The following PLEKHB2 variants were observed in gnomAD, a reference collection of about 807,000 sequenced individuals.
PLEKHB2 encodes pleckstrin homology domain-containing family B member 2.
In PLEKHB2, 31 loss-of-function variants were observed where a neutral mutation model predicts 36.5. That is an observed-to-expected ratio of 0.85 (90% CI 0.64 to 1.15). PLEKHB2 has a LOEUF of 1.15. PLEKHB2 is among the 50% of genes most tolerant of loss of function. The pLI is 0.00. For missense variants in PLEKHB2, 262 were observed against 295.3 expected (o/e 0.89, Z 0.83); for synonymous variants, 119 against 112.0 (o/e 1.06, Z -0.39).
At chr2:131,146,352 G>T (rs1323602054) in intron 7 of PLEKHB2, among the ~76,000 whole-genome samples, 1 of 152,080 alleles carries the variant, frequency 6.6e-6, no homozygotes, top group Non-Finnish European at 1.5e-5. Context: ...GCATGGTGTC[G>T]AGGGCTGAAG....
chr2:131,140,791 C>T (rs991024755), intron 7 of PLEKHB2, among the ~76,000 whole-genome samples: 2 of 152,192 alleles, frequency 1.3e-5, no homozygotes, highest in African/African-American at 4.8e-5. Context: ...TCCAGGTCTC[C>T]TGGGCAAGGG....
intron 1 of PLEKHB2, among the ~76,000 whole-genome samples, chr2:131,114,249 C>T (rs1433324322): frequency 6.6e-6 from 1 of 152,148 alleles, no homozygotes; most frequent in Admixed American, 6.5e-5. Flanking sequence ...CCTCAGCCTC[C>T]CGAGTAGCTG....
intron 2 of PLEKHB2, among the ~76,000 whole-genome samples, chr2:131,124,711 A>G (rs751677289): frequency 2.4e-4 from 37 of 152,010 alleles, no homozygotes; most frequent in Admixed American, 5.2e-4. Flanking sequence ...AGCCTTCCAC[A>G]CTGTGGGCTT....
At chr2:131,116,375 G>A (rs371623480) in intron 1 of PLEKHB2, among the ~76,000 whole-genome samples, 14 of 152,274 alleles carry the variant, frequency 9.2e-5, no homozygotes, top group African/African-American at 2.2e-4. Context: ...AACATTCGTT[G>A]TATTAGTCTG....
At chr2:131,121,490 T>C (rs971506356) in intron 2 of PLEKHB2, among the ~76,000 whole-genome samples, 1 of 152,094 alleles carries the variant, frequency 6.6e-6, no homozygotes, top group African/African-American at 2.4e-5. Flanking sequence ...TCAGGTGATC[T>C]GCCCACCTGG....
chr2:131,126,111 G>A (rs1307740212), intron 3 of PLEKHB2, among the ~76,000 whole-genome samples: 1 of 152,188 alleles, frequency 6.6e-6, no homozygotes, highest in South Asian at 2.1e-4. Context: ...CACGTCCCTC[G>A]TTCTCGTGGA....
intron 1 of PLEKHB2, among the ~76,000 whole-genome samples, chr2:131,110,462 A>G (rs1695186396): frequency 6.6e-6 from 1 of 151,600 alleles, no homozygotes; most frequent in Admixed American, 6.6e-5. Context: ...CTGTGCTTCT[A>G]CCTTCTGGGC....
intron 2 of PLEKHB2, among the ~76,000 whole-genome samples, chr2:131,121,548 C>T (rs377277720): frequency 2.0e-5 from 3 of 152,062 alleles, no homozygotes; most frequent in African/African-American, 7.2e-5. Context: ...TGCCCAGCTG[C>T]GTGCTTTATT....
Position 131,140,258 on chromosome 2 carries a change from AC to A in PLEKHB2, c.517del (p.Gln173SerfsTer43). 6.3e-7 allele frequency: 1 copy of A among 1,599,352 alleles called. No individual in the cohort carries two copies. Among genetic ancestry groups the A allele is most frequent in the South Asian group, 1.1e-5 (1 of 90,580 alleles). On this transcript the variant is annotated frameshift_variant, in exon 7 of 8. Transcript: ENST00000693505. LOFTEE classifies it high-confidence loss of function. The stretch of plus-strand genomic sequence containing the variant: ...AATGGGCAGGCGTATGCCGTGCCCT[AC>A]CAGTACCCATATGCAGGTAACTCAC... ...AANGQAYAVP[Y>X]QYPYAGLYGQ...
At chr2:131,114,982 G>C (rs1045884154) in intron 1 of PLEKHB2, among the ~76,000 whole-genome samples, 4 of 152,200 alleles carry the variant, frequency 2.6e-5, no homozygotes, top group Admixed American at 2.6e-4. Flanking sequence ...TACTGTATTA[G>C]TCTGTTCTCA....
intron 7 of PLEKHB2, chr2:131,144,546 G>C: frequency 2.2e-6 from 1 of 464,516 alleles, no homozygotes. Flanking sequence ...ATGGTAATTT[G>C]TAAAAGTAAC....
intron 1 of PLEKHB2, among the ~76,000 whole-genome samples, chr2:131,119,378 A>G (rs1447110434): frequency 6.6e-6 from 1 of 152,178 alleles, no homozygotes; most frequent in Non-Finnish European, 1.5e-5. Flanking sequence ...CCAGAGACAC[A>G]TCTTTCAAAG....
intron 1 of PLEKHB2, among the ~76,000 whole-genome samples, chr2:131,114,645 A>G (rs1485546316): frequency 1.3e-5 from 2 of 152,066 alleles, no homozygotes; most frequent in African/African-American, 4.8e-5. Flanking sequence ...CATCTCTCTC[A>G]AGTTCAAACT....
Position 131,133,073 on chromosome 2 carries a change from A to G in PLEKHB2, c.423+82A>G, listed in dbSNP as rs1227624017. 4 of 876,944 alleles carry G rather than the reference A, an allele frequency of 4.6e-6. No individual in the cohort carries two copies. In the East Asian group the frequency reaches 7.3e-5, roughly 16 times the overall value. 54.3% of individuals were successfully genotyped at this position (876,944 alleles called of 1,614,324 possible). A position where few individuals can be genotyped will look rare whatever the true frequency, so the allele number is the denominator to read the frequency against. On this transcript the variant is annotated intron_variant, in intron 6 of 7. Coordinates refer to ENST00000693505, the MANE Select transcript of PLEKHB2 (RefSeq NM_001100623.2). ...TGCTTTGTTTTGTTTTTTTAAATGAAATTAGAAATGTACTCTAAACCTTTT... is the reference window on the plus strand; with the variant it reads ...TGCTTTGTTTTGTTTTTTTAAATGAGATTAGAAATGTACTCTAAACCTTTT...
At chr2:131,126,395 G>C (rs1204227371) in intron 3 of PLEKHB2, among the ~76,000 whole-genome samples, 2 of 152,176 alleles carry the variant, frequency 1.3e-5, no homozygotes, top group African/African-American at 4.8e-5. Context: ...AGGTGTGGTG[G>C]CAGGTGCCTG....
chr2:131,128,344 TAAGAA>T (rs1434827563), intron 4 of PLEKHB2, among the ~76,000 whole-genome samples: 9 of 151,626 alleles, frequency 5.9e-5, no homozygotes, highest in African/African-American at 1.7e-4. Flanking sequence ...GAAGGAAAAA[TAAGAA>T]AAGGAAAATG....
At chr2:131,117,783 CT>C (rs1233458065) in intron 1 of PLEKHB2, among the ~76,000 whole-genome samples, 2 of 152,124 alleles carry the variant, frequency 1.3e-5, no homozygotes, top group Non-Finnish European at 2.9e-5. Flanking sequence ...TACAACATTC[CT>C]TCCTTTTTGT....
chr2:131,132,595 T>C (rs1697821378), intron 5 of PLEKHB2, among the ~76,000 whole-genome samples: 2 of 152,178 alleles, frequency 1.3e-5, no homozygotes, highest in Admixed American at 1.3e-4. Context: ...CCATTGCACC[T>C]GGCCTGATGT....
chr2:131,140,270 A>G lies in PLEKHB2; in HGVS notation c.527A>G (p.Tyr176Cys), dbSNP rs572579366. ...QAYAVPYQYPYAGLYGQQPAN... is the reference protein window; with the variant it reads ...QAYAVPYQYPCAGLYGQQPAN... ...TATGCCGTGCCCTACCAGTACCCATATGCAGGTAACTCACGCCGGCCTTTC... is the reference window on the plus strand; with the variant it reads ...TATGCCGTGCCCTACCAGTACCCATGTGCAGGTAACTCACGCCGGCCTTTC... Residue 176 changes from tyrosine (Y) to cysteine (C), a missense_variant, in exon 7 of 8, where the codon TAT becomes TGT. By Grantham distance (194) the Tyr-to-Cys change is radical (BLOSUM62 -2). Transcript: ENST00000693505. 10 of 1,571,964 alleles carry G rather than the reference A, an allele frequency of 6.4e-6. No individual in the cohort carries two copies. In the African/African-American group the frequency reaches 1.3e-4, roughly 21 times the overall value.
Sources: allele counts gnomAD v4.1 joint callset (sites outside exome capture counted in the v4.1 genomes callset), GRCh38; gene constraint gnomAD v4.1.1; transcripts MANE v1.5; gene names NCBI Gene and HGNC (gene_info 2026-07-23, HGNC 2026-07-21).